The following JPH2 variants were observed in gnomAD, a reference collection of about 807,000 sequenced individuals.
JPH2 encodes junctophilin-2.
In JPH2, 38 loss-of-function variants were observed where a neutral mutation model predicts 55.9. The observed-to-expected ratio is 0.68, with a 90% CI of 0.52 to 0.89. JPH2 has a LOEUF of 0.89. Among genes scored for constraint, JPH2 ranks in the 40% least tolerant of loss-of-function variants. The pLI, the probability that JPH2 is intolerant of heterozygous loss-of-function variation, is 0.00. For synonymous variants in JPH2, 480 were observed against 472.4 expected, an observed-to-expected ratio of 1.02 and a Z score of -0.21; for missense variants, 964 against 1,037.6, an observed-to-expected ratio of 0.93 and a Z score of 0.97.
chr20:44,156,227 G>A (rs764673095), intron 2 of JPH2, among the ~76,000 whole-genome samples: 20 of 152,208 alleles, frequency 1.3e-4, no homozygotes, highest in Non-Finnish European at 2.1e-4. Context: ...GTGAAGAGTC[G>A]TGTGCCATGT....
At chr20:44,117,150 G>A (rs957356032) in intron 3 of JPH2, among the ~76,000 whole-genome samples, 1 of 152,076 alleles carries the variant, frequency 6.6e-6, no homozygotes, top group Non-Finnish European at 1.5e-5. Flanking sequence ...ATGGTGGCGC[G>A]TGCCTGTAAT....
intron 2 of JPH2, among the ~76,000 whole-genome samples, chr20:44,131,344 C>G (rs549277719): frequency 2.0e-5 from 3 of 152,182 alleles, no homozygotes; most frequent in Non-Finnish European, 2.9e-5. Context: ...GTGGAGCTTT[C>G]AGATGAGACC....
chr20:44,167,226 G>A lies in JPH2; in HGVS notation c.380-6819C>T, dbSNP rs138942834. 2.0e-3 allele frequency among the ~76,000 whole-genome samples: 306 copies of A among 152,274 alleles called. 1 individual carries two copies. The highest frequency in any genetic ancestry group is 5.0e-3 in the Admixed American group (76 of 15,298). On this transcript the variant is annotated intron_variant, in intron 1 of 5. Coordinates refer to ENST00000372980, the MANE Select transcript of JPH2 (RefSeq NM_020433.5). The stretch of plus-strand genomic sequence containing the variant: ...ACAGGTGCCATTGAATAATTATCAT[G>A]ACCATTTGTTCACCAGAAGCCTCCC...
In JPH2 at chr20:44,107,369, T is replaced by C. The variant is rs1458972838; in HGVS notation, c.*6149A>G. On this transcript the variant is annotated 3_prime_UTR_variant, in exon 6 of 6. Transcript: ENST00000372980. The stretch of plus-strand genomic sequence containing the variant: ...TACCAAAACCCACATCCTTCTCTTC[T>C]CCCTGAGGACACATGTAGTCCGTAT... Among the ~76,000 whole-genome samples, 1 of 152,078 alleles carries C rather than the reference T, an allele frequency of 6.6e-6. No individual in the cohort carries two copies. Among genetic ancestry groups the C allele is most frequent in the African/African-American group, 2.4e-5 (1 of 41,396 alleles).
intron 2 of JPH2, among the ~76,000 whole-genome samples, chr20:44,158,862 G>A (rs373846213): frequency 2.0e-5 from 3 of 152,132 alleles, no homozygotes; most frequent in Admixed American, 6.5e-5. Flanking sequence ...GAATGGATGC[G>A]TGGCTGGATG....
chr20:44,160,282 C>T lies in JPH2; in HGVS notation c.505G>A (p.Glu169Lys), dbSNP rs2072600840. The T allele has an allele frequency of 6.5e-7, 1 of 1,537,612 alleles. No homozygotes were observed. The highest frequency in any genetic ancestry group is 8.7e-7 in the Non-Finnish European group (1 of 1,144,362). Reference protein sequence around the residue: ...LRTSLSSLRSEHSNGTVAPDS... With the variant: ...LRTSLSSLRSKHSNGTVAPDS... The stretch of plus-strand genomic sequence containing the variant: ...GGGGCCACCGTGCCGTTGCTGTGCT[C>T]GCTGCGCAGGGACGACAGCGACGTG... Residue 169 changes from glutamate (E) to lysine (K), a missense_variant, in exon 2 of 6, where the codon GAG becomes AAG. Glu to Lys is a moderately conservative substitution (Grantham distance 56, BLOSUM62 1). Coordinates refer to ENST00000372980, the MANE Select transcript of JPH2 (RefSeq NM_020433.5). The surrounding 1 kb of genome is among the most constrained non-coding windows in gnomAD (Gnocchi z 4.9).
At chr20:44,172,827 T>C (rs112145333) in intron 1 of JPH2, among the ~76,000 whole-genome samples, 65 of 152,296 alleles carry the variant, frequency 4.3e-4, no homozygotes, top group African/African-American at 1.5e-3. Flanking sequence ...AGGTTTCTAT[T>C]GCAAATGTGC....
intron 1 of JPH2, chr20:44,177,097 C>T: frequency 1.0e-6 from 1 of 985,550 alleles, no homozygotes; most frequent in Non-Finnish European, 1.2e-6. Flanking sequence ...CAACTCTCAT[C>T]AGTTCCCTTT....
At chr20:44,138,905 G>T (rs1260559205) in intron 2 of JPH2, among the ~76,000 whole-genome samples, 1 of 152,180 alleles carries the variant, frequency 6.6e-6, no homozygotes, top group Non-Finnish European at 1.5e-5. Flanking sequence ...TGTGGACACG[G>T]CGCGGCTCAG....
intron 1 of JPH2, among the ~76,000 whole-genome samples, chr20:44,167,358 C>T (rs1330095779): frequency 6.6e-6 from 1 of 152,178 alleles, no homozygotes; most frequent in Non-Finnish European, 1.5e-5. Context: ...AGGAAATCCT[C>T]GGTAAGCATC....
At position 44,115,815 on chromosome 20, in the gene JPH2, G is replaced by A; in HGVS notation, c.1860C>T (p.Ala620=). ...GGATGATGGGCTTGGGCTCCAGCTT[G>A]GCGGGGGTCTCGCGTGCAGGCTCGG... ...RGPEPARETP[A]KLEPKPIIPK... The change falls in exon 4 of 6, where the codon GCC becomes GCT. Residue 620 remains alanine, a synonymous_variant. Coordinates refer to ENST00000372980, the MANE Select transcript of JPH2 (RefSeq NM_020433.5). The A allele has an allele frequency of 6.2e-7, 1 of 1,604,282 alleles. No homozygotes were observed. Among genetic ancestry groups the A allele is most frequent in the East Asian group, 2.2e-5 (1 of 44,808 alleles).
Position 44,186,858 on chromosome 20 carries a change from G to T in JPH2, c.-153C>A. Reference sequence around the variant, plus strand: ...GGGAAGCAGGATGCCAGCAGAGGCTGAAAGAGCCCCGGCGCCAAGTCAGCA... The same window carrying T: ...GGGAAGCAGGATGCCAGCAGAGGCTTAAAGAGCCCCGGCGCCAAGTCAGCA... On this transcript the variant is annotated 5_prime_UTR_variant, in exon 1 of 6. Transcript: ENST00000372980. 1 of 758,830 alleles carries T rather than the reference G, an allele frequency of 1.3e-6. No homozygotes were observed. Among genetic ancestry groups the T allele is most frequent in the Non-Finnish European group, 2.1e-6 (1 of 473,992 alleles). The allele number at this position is 758,830 out of a possible 1,614,324, so 47.0% of individuals were successfully genotyped here.
At chr20:44,165,998 A>G (rs2072653485) in intron 1 of JPH2, among the ~76,000 whole-genome samples, 1 of 152,134 alleles carries the variant, frequency 6.6e-6, no homozygotes, top group African/African-American at 2.4e-5. Flanking sequence ...CCTCACTGGC[A>G]TGCGAGCTCC....
rs570396794 is a variant in JPH2, at chr20:44,110,292, C to A, written c.*3226G>T. Among the ~76,000 whole-genome samples the A allele has an allele frequency of 6.6e-6, 1 of 152,308 alleles. No individual in the cohort carries two copies. Among genetic ancestry groups the A allele is most frequent in the East Asian group, 1.9e-4 (1 of 5,190 alleles). On this transcript the variant is annotated 3_prime_UTR_variant, in exon 6 of 6. Coordinates refer to ENST00000372980, the MANE Select transcript of JPH2 (RefSeq NM_020433.5). Reference sequence around the variant, plus strand: ...ACTGGGCTGGCTGCCCACCTGCTTTCCCTCTGTGGGTTTTTATCAAAGGCT... The same window carrying A: ...ACTGGGCTGGCTGCCCACCTGCTTTACCTCTGTGGGTTTTTATCAAAGGCT...
At chr20:44,134,614 T>TATAAATATTTATAATAAATATATATA (rs369310397) in intron 2 of JPH2, among the ~76,000 whole-genome samples, 1 of 3,882 alleles carries the variant, frequency 2.6e-4, no homozygotes, top group Admixed American at 4.8e-3. Context: ...ATTATAAATA[T>TATAAATATTTATAATAAATATATATA]AATAAATATA....
At chr20:44,158,844 A>G (rs533949477) in intron 2 of JPH2, among the ~76,000 whole-genome samples, 2 of 152,162 alleles carry the variant, frequency 1.3e-5, no homozygotes, top group East Asian at 3.9e-4. Flanking sequence ...AAATGGAAGT[A>G]CTTGAGTGAA....
chr20:44,159,578 G>T lies in JPH2; in HGVS notation c.1169+40C>A, dbSNP rs538735519. ...GCCCTGCCCCAGGACCCCCTTCTCC[G>T]AGGGGAGGCGACCCCTTCCCACCCC... On this transcript the variant is annotated intron_variant, in intron 2 of 5. Coordinates refer to ENST00000372980, the MANE Select transcript of JPH2 (RefSeq NM_020433.5). The surrounding 1 kb of genome is among the most constrained non-coding windows in gnomAD (Gnocchi z 5.7). The T allele has an allele frequency of 7.0e-6, 11 of 1,571,150 alleles. No homozygotes were observed. In the Admixed American group the frequency reaches 8.8e-5, roughly 13 times the overall value.
At chr20:44,166,629 C>T (rs2145885156) in intron 1 of JPH2, among the ~76,000 whole-genome samples, 1 of 152,312 alleles carries the variant, frequency 6.6e-6, no homozygotes, top group Middle Eastern at 3.4e-3. Context: ...GCAAGAGGCA[C>T]AGACACCCAG....
intron 1 of JPH2, among the ~76,000 whole-genome samples, chr20:44,165,980 C>A (rs1162802905): frequency 5.3e-5 from 8 of 152,110 alleles, no homozygotes; most frequent in Non-Finnish European, 1.2e-4. Flanking sequence ...GTGTTATTGA[C>A]CATCCCCCCT....
Sources: allele counts gnomAD v4.1 joint callset (sites outside exome capture counted in the v4.1 genomes callset), GRCh38; gene constraint gnomAD v4.1.1; non-coding constraint Gnocchi (gnomAD v3.1); transcripts MANE v1.5; gene names NCBI Gene and HGNC (gene_info 2026-07-23, HGNC 2026-07-21).